The following MATCAP2 variants were observed in gnomAD, a reference collection of about 807,000 sequenced individuals.
MATCAP2 encodes the protein putative tyrosine carboxypeptidase MATCAP2.
chr7:36,349,913 T>G, the MATCAP2 span, among the ~76,000 whole-genome samples: 1 of 152,202 alleles, frequency 6.6e-6, no homozygotes, highest in Non-Finnish European at 1.5e-5. Context: ...CTATTTAGGT[T>G]AAGAAATAAC....
the MATCAP2 span, among the ~76,000 whole-genome samples, chr7:36,372,446 G>C: frequency 2.0e-5 from 3 of 152,208 alleles, no homozygotes; most frequent in Admixed American, 1.3e-4. Flanking sequence ...ATGTTTTGCA[G>C]CATGTCTATA....
chr7:36,362,317 C>A, the MATCAP2 span, among the ~76,000 whole-genome samples: 1 of 152,298 alleles, frequency 6.6e-6, no homozygotes, highest in East Asian at 1.9e-4. Context: ...TTCAGGAATT[C>A]AGAAACTTGA....
At chr7:36,372,578 A>C in the MATCAP2 span, among the ~76,000 whole-genome samples, 1 of 152,232 alleles carries the variant, frequency 6.6e-6, no homozygotes, top group Non-Finnish European at 1.5e-5. Flanking sequence ...CTGTGATTTT[A>C]CATGTGTGTA....
the MATCAP2 span, among the ~76,000 whole-genome samples, chr7:36,330,117 C>G: frequency 2.0e-5 from 3 of 150,040 alleles, no homozygotes; most frequent in Admixed American, 6.7e-5. Flanking sequence ...CAGGGTCTGG[C>G]TCTGTCTCCC....
At chr7:36,342,797 T>C in the MATCAP2 span, among the ~76,000 whole-genome samples, 1 of 152,202 alleles carries the variant, frequency 6.6e-6, no homozygotes, top group Non-Finnish European at 1.5e-5. Flanking sequence ...TCTAATTTTT[T>C]TGTATTTTAG....
the MATCAP2 span, chr7:36,331,097 G>C: frequency 1.3e-6 from 2 of 1,502,844 alleles, no homozygotes; most frequent in Non-Finnish European, 1.9e-6. Context: ...AACCAGAATA[G>C]TGTTTACTTT....
At chr7:36,329,651 G>T in the MATCAP2 span, among the ~76,000 whole-genome samples, 1 of 152,182 alleles carries the variant, frequency 6.6e-6, no homozygotes, top group Non-Finnish European at 1.5e-5. Context: ...CAAAAACGGG[G>T]AGTGACAAAG....
the MATCAP2 span, among the ~76,000 whole-genome samples, chr7:36,332,862 G>T: frequency 9.2e-5 from 14 of 152,196 alleles, no homozygotes; most frequent in Non-Finnish European, 1.5e-4. Context: ...AGAAGGCAGA[G>T]GTTGCGGTGA....
At chr7:36,387,968 T>A in the MATCAP2 span, among the ~76,000 whole-genome samples, 2 of 152,224 alleles carry the variant, frequency 1.3e-5, no homozygotes, top group African/African-American at 4.8e-5. Flanking sequence ...CCTTTGTTCA[T>A]AAGTAACACA....
the MATCAP2 span, among the ~76,000 whole-genome samples, chr7:36,364,516 A>ATT: frequency 1.3e-5 from 2 of 152,210 alleles, no homozygotes; most frequent in Non-Finnish European, 2.9e-5. Flanking sequence ...TATAGGAAGG[A>ATT]TTTCAGAAAC....
At chr7:36,330,071 TTTTA>T in the MATCAP2 span, among the ~76,000 whole-genome samples, 5 of 20,130 alleles carry the variant, frequency 2.5e-4, no homozygotes, top group African/African-American at 4.8e-4. Flanking sequence ...TTTTATTTTA[TTTTA>T]TTTATTTATT....
the MATCAP2 span, chr7:36,366,678 C>A: frequency 2.6e-6 from 4 of 1,533,470 alleles, no homozygotes; most frequent in Admixed American, 5.9e-5. Context: ...CAATCTTTTC[C>A]ACGAGATTCC....
chr7:36,373,701 TC>T, the MATCAP2 span, among the ~76,000 whole-genome samples: 1 of 152,090 alleles, frequency 6.6e-6, no homozygotes, highest in Non-Finnish European at 1.5e-5. Context: ...CCCCACTACC[TC>T]CCAAAGTGCC....
At chr7:36,389,804 C>G in the MATCAP2 span, 2 of 845,338 alleles carry the variant, frequency 2.4e-6, no homozygotes, top group African/African-American at 3.5e-5. Context: ...CCGGCTCCGC[C>G]CAGCGCGCAT....
the MATCAP2 span, among the ~76,000 whole-genome samples, chr7:36,370,386 C>T: frequency 1.3e-5 from 2 of 152,194 alleles, no homozygotes; most frequent in Admixed American, 6.5e-5. Context: ...ACAAGATGAT[C>T]GACTTAATTA....
chr7:36,350,396 G>C, the MATCAP2 span, among the ~76,000 whole-genome samples: 2 of 152,212 alleles, frequency 1.3e-5, no homozygotes, highest in African/African-American at 4.8e-5. Flanking sequence ...TTAAGTCTTT[G>C]CCATACTAAT....
the MATCAP2 span, among the ~76,000 whole-genome samples, chr7:36,360,062 A>C: frequency 6.6e-6 from 1 of 152,258 alleles, no homozygotes; most frequent in Non-Finnish European, 1.5e-5. Context: ...AAAAAGGGAC[A>C]GAGTTACACC....
the MATCAP2 span, chr7:36,389,729 G>C: frequency 1.6e-4 from 54 of 341,002 alleles, no homozygotes; most frequent in African/African-American, 1.1e-3. Context: ...AGGCGGGGCC[G>C]CCCCTGGGAA....
the MATCAP2 span, among the ~76,000 whole-genome samples, chr7:36,384,334 C>T: frequency 6.6e-6 from 1 of 152,070 alleles, no homozygotes; most frequent in African/African-American, 2.4e-5. Flanking sequence ...ATTTAAATAA[C>T]TTGGGAAGTT....
Sources: allele counts gnomAD v4.1 joint callset (sites outside exome capture counted in the v4.1 genomes callset), GRCh38; gene constraint gnomAD v4.1.1; transcripts MANE v1.5; gene names NCBI Gene and HGNC (gene_info 2026-07-23, HGNC 2026-07-21).